The following GK2 variants were observed in gnomAD, a reference collection of about 807,000 sequenced individuals.
The protein encoded by GK2 is glycerol kinase 2, also known as ATP:glycerol 3-phosphotransferase 2.
In GK2, 10 loss-of-function variants were observed where a neutral mutation model predicts 9.5. The ratio of observed to expected loss-of-function variants is 1.05; its 90% CI spans 0.65 to 1.78. The LOEUF (loss-of-function observed/expected upper bound fraction) is 1.78, where lower values mean the gene tolerates loss of function less well. Among genes scored for constraint, GK2 ranks in the 40% most tolerant of loss-of-function variants. GK2 has a pLI of 0.00. For missense variants in GK2, 643 were observed against 669.0 expected (o/e 0.96, Z 0.43); for synonymous variants, 228 against 229.9 (o/e 0.99, Z 0.07).
Position 79,407,697 on chromosome 4 carries a change from A to C in GK2, c.504T>G (p.Val168=). The change falls in exon 1 of 1, where the codon GTT becomes GTG. Residue 168 remains valine (V), a synonymous_variant. Coordinates refer to ENST00000358842, the MANE Select transcript of GK2 (RefSeq NM_033214.3). The part of the protein sequence containing the change: ...LDNVRNVQKA[V]EEGRALFGTI... ...TACCAAAAAGAGCTCTACCTTCTTC[A>C]ACAGCCTTTTGGACGTTTCTCACAT... The C allele has an allele frequency of 1.9e-6, 3 of 1,614,246 alleles. No homozygotes were observed. In the South Asian group the frequency reaches 3.3e-5, roughly 18 times the overall value.
rs755658600 is a variant in GK2 at position 79,406,929 on chromosome 4, T to C, written c.1272A>G (p.Val424=). The C allele has an allele frequency of 1.2e-6, 2 of 1,614,264 alleles. No homozygotes were observed. The highest frequency in any genetic ancestry group is 1.7e-6 in the Non-Finnish European group (2 of 1,180,038). ...CTTTGTTGTTGGTCATTCCTCCATC[T>C]ACCTGCAAATGACGAAGTGGAATTC... The part of the protein sequence containing the change: ...DCGIPLRHLQ[V]DGGMTNNKVL... The change falls in exon 1 of 1, where the codon GTA becomes GTG. Residue 424 remains valine (V), a synonymous_variant. Coordinates refer to ENST00000358842, the MANE Select transcript of GK2 (RefSeq NM_033214.3).
rs1467590115 is a variant in GK2 at position 79,407,345 on chromosome 4, G to C, written c.856C>G (p.Leu286Val). 2 of 1,614,076 alleles carry C rather than the reference G, an allele frequency of 1.2e-6. No homozygotes were observed. Among genetic ancestry groups the C allele is most frequent in the African/African-American group, 2.7e-5 (2 of 74,930 alleles). ...KNTYGTGCFL[L>V]CNTGRKCVFS... ...ACACATTTACGACCCGTATTACACA[G>C]TAAGAAGCAACCTGTTCCATAGGTG... is the stretch of plus-strand genomic sequence containing the variant. The change falls in exon 1 of 1, where the codon CTG becomes GTG. Residue 286 changes from leucine (L) to valine (V), a missense_variant. Transcript: ENST00000358842.
Position 79,406,368 on chromosome 4 carries a change from A to C in GK2, c.*171T>G. ...CCAATATTTCTACAGTGCTCTTCTAACGTATTTTCTTTATTTCAGGTCACA... is the reference window on the plus strand; with the variant it reads ...CCAATATTTCTACAGTGCTCTTCTACCGTATTTTCTTTATTTCAGGTCACA... On this transcript the variant is annotated 3_prime_UTR_variant, in exon 1 of 1. Coordinates refer to ENST00000358842, the MANE Select transcript of GK2 (RefSeq NM_033214.3). 1.9e-6 allele frequency: 1 copy of C among 536,918 alleles called. No homozygotes were observed. Among genetic ancestry groups the C allele is most frequent in the Non-Finnish European group, 3.3e-6 (1 of 305,288 alleles). 33.3% of individuals were successfully genotyped at this position (536,918 alleles called of 1,614,324 possible). A position where few individuals can be genotyped will look rare whatever the true frequency, so the allele number is the denominator to read the frequency against.
chr4:79,407,960 C>A lies in GK2; in HGVS notation c.241G>T (p.Asp81Tyr). The A allele has an allele frequency of 1.2e-6, 2 of 1,614,054 alleles. No individual in the cohort carries two copies. The highest frequency in any genetic ancestry group is 1.7e-6 in the Non-Finnish European group (2 of 1,179,912). The part of the protein sequence containing the change: ...TCEKLDELNI[D>Y]ISNIKAVGVS... Reference sequence around the variant, plus strand: ...CCAACAGCTTTTATGTTGGATATATCAATATTCAGTTCGTCAAGTTTCTCA... The same window carrying A: ...CCAACAGCTTTTATGTTGGATATATAAATATTCAGTTCGTCAAGTTTCTCA... The change falls in exon 1 of 1, where the codon GAT becomes TAT. Residue 81 changes from aspartate to tyrosine, a missense_variant. By Grantham distance (160) the Asp-to-Tyr change is radical. Transcript: ENST00000358842.
In GK2 at chr4:79,406,669, A is replaced by C; in HGVS notation, c.1532T>G (p.Met511Arg). Residue 511 changes from methionine to arginine, a missense_variant, in exon 1 of 1, where the codon ATG (methionine) becomes AGG (arginine). Physicochemically the swap from Met to Arg is moderately conservative, Grantham distance 91. Transcript: ENST00000358842. ...AGGAGACTGACTGGTAACCCAACCC[A>C]TTGACTTCATTACGGCTTTCTTCCA... ...ATWKKAVMKS[M>R]GWVTSQSPEG... 6.2e-7 allele frequency: 1 copy of C among 1,614,054 alleles called. No homozygotes were observed. The highest frequency in any genetic ancestry group is 8.5e-7 in the Non-Finnish European group (1 of 1,179,934).
chr4:79,407,073 T>G lies in GK2; in HGVS notation c.1128A>C (p.Ala376=), dbSNP rs1725870582. ...GAGTGAGGCCACAGAGTATCCCTCT[T>G]GCACTGGGCTCCCAATAAGGTGCAT... ...GLYAPYWEPS[A]RGILCGLTQF... Residue 376 remains alanine (A), a synonymous_variant, in exon 1 of 1, where the codon GCA becomes GCC. Coordinates refer to ENST00000358842, the MANE Select transcript of GK2 (RefSeq NM_033214.3). The G allele has an allele frequency of 6.2e-7, 1 of 1,614,062 alleles. No individual in the cohort carries two copies. The highest frequency in any genetic ancestry group is 8.5e-7 in the Non-Finnish European group (1 of 1,180,034).
rs1243298925 is a variant in GK2 at position 79,407,950 on chromosome 4, T to C, written c.251A>G (p.Asn84Ser). The change falls in exon 1 of 1, where the codon AAC becomes AGC. Residue 84 changes from asparagine to serine, a missense_variant. Asn to Ser is a conservative substitution (Grantham distance 46, BLOSUM62 1). Transcript: ENST00000358842. The part of the protein sequence containing the change: ...KLDELNIDIS[N>S]IKAVGVSNQR... ...ATTGCTGACACCAACAGCTTTTATG[T>C]TGGATATATCAATATTCAGTTCGTC... 2 of 1,614,028 alleles carry C rather than the reference T, an allele frequency of 1.2e-6. No homozygotes were observed. Among genetic ancestry groups the C allele is most frequent in the Non-Finnish European group, 1.7e-6 (2 of 1,179,972 alleles).
In GK2 at chr4:79,407,905, A is replaced by G; in HGVS notation, c.296T>C (p.Ile99Thr). Residue 99 changes from isoleucine (I) to threonine (T), a missense_variant, in exon 1 of 1, where the codon ATC becomes ACC. Physicochemically the swap from Ile to Thr is moderately conservative, Grantham distance 89 (BLOSUM62 -1). Coordinates refer to ENST00000358842, the MANE Select transcript of GK2 (RefSeq NM_033214.3). ...GVSNQRETTV[I>T]WDKLTGEPLY... Reference sequence around the variant, plus strand: ...AGGCTCTCCTGTTAACTTGTCCCAGATTACAGTGGTTTCCCTCTGATTGCT... The same window carrying G: ...AGGCTCTCCTGTTAACTTGTCCCAGGTTACAGTGGTTTCCCTCTGATTGCT... 1 of 1,614,198 alleles carries G rather than the reference A, an allele frequency of 6.2e-7. No individual in the cohort carries two copies. Among genetic ancestry groups the G allele is most frequent in the Non-Finnish European group, 8.5e-7 (1 of 1,180,042 alleles).
At position 79,407,988 on chromosome 4, in the gene GK2, CG is replaced by C. The variant is rs1364186724; in HGVS notation, c.212del (p.Thr71SerfsTer8). On this transcript the variant is annotated frameshift_variant, in exon 1 of 1. Coordinates refer to ENST00000358842, the MANE Select transcript of GK2 (RefSeq NM_033214.3). LOFTEE classifies it low-confidence loss of function (END_TRUNC). ...LQSVYECIAR[T>X]CEKLDELNID... The stretch of plus-strand genomic sequence containing the variant: ...TATTCAGTTCGTCAAGTTTCTCACA[CG>C]TTCTCGCTATACACTCGTAGACAGA... 1.2e-6 allele frequency: 2 copies of C among 1,613,964 alleles called. No homozygotes were observed. Among genetic ancestry groups the C allele is most frequent in the African/African-American group, 2.7e-5 (2 of 74,926 alleles).
At position 79,406,914 on chromosome 4, in the gene GK2, G is replaced by T; in HGVS notation, c.1287C>A (p.Thr429=). The part of the protein sequence containing the change: ...LRHLQVDGGM[T]NNKVLMQLQA... The stretch of plus-strand genomic sequence containing the variant: ...GTAGCTGCATAAGAACTTTGTTGTT[G>T]GTCATTCCTCCATCTACCTGCAAAT... The change falls in exon 1 of 1, where the codon ACC becomes ACA. Residue 429 remains threonine (T), a synonymous_variant. Transcript: ENST00000358842. 1.9e-6 allele frequency: 3 copies of T among 1,614,166 alleles called. No homozygotes were observed. The highest frequency in any genetic ancestry group is 2.5e-6 in the Non-Finnish European group (3 of 1,180,020).
chr4:79,406,788 A>C lies in GK2; in HGVS notation c.1413T>G (p.Val471=), dbSNP rs1560525531. Residue 471 remains valine, a synonymous_variant, in exon 1 of 1, where the codon GTT becomes GTG. Coordinates refer to ENST00000358842, the MANE Select transcript of GK2 (RefSeq NM_033214.3). ...ACAAAGCCTGGGGTTCAAGGCTCCAAACGCTTACTCCCTCTGCAGCCCCTG... is the reference window on the plus strand; with the variant it reads ...ACAAAGCCTGGGGTTCAAGGCTCCACACGCTTACTCCCTCTGCAGCCCCTG... The part of the protein sequence containing the change: ...MAAGAAEGVS[V]WSLEPQALSV... 6.2e-7 allele frequency: 1 copy of C among 1,614,080 alleles called. No homozygotes were observed.
Position 79,406,729 on chromosome 4 carries a change from A to G in GK2, c.1472T>C (p.Ile491Thr), listed in dbSNP as rs566067569. Residue 491 changes from isoleucine to threonine, a missense_variant, in exon 1 of 1, where the codon ATC (isoleucine) becomes ACC (threonine). Coordinates refer to ENST00000358842, the MANE Select transcript of GK2 (RefSeq NM_033214.3). ...ACGAATTTCACTTTCTGTGGCCTGG[A>G]TCTGTGGTTCAAATCGTTCCATCCT... The part of the protein sequence containing the change: ...VLRMERFEPQ[I>T]QATESEIRYA... The G allele has an allele frequency of 1.3e-5, 21 of 1,614,126 alleles. 1 individual carries two copies. The South Asian group carries it at 2.0e-4, about 15-fold the overall frequency.
In GK2 at chr4:79,406,883, C is replaced by T. The variant is rs202223457; in HGVS notation, c.1318G>A (p.Asp440Asn). The T allele has an allele frequency of 1.9e-6, 3 of 1,614,186 alleles. No individual in the cohort carries two copies. Among genetic ancestry groups the T allele is most frequent in the Non-Finnish European group, 2.5e-6 (3 of 1,179,986 alleles). ...TTTATTACTGGAATATGAAGAATAT[C>T]TGCTTGTAGCTGCATAAGAACTTTG... Reference protein sequence around the residue: ...NNKVLMQLQADILHIPVIKPF... With the variant: ...NNKVLMQLQANILHIPVIKPF... The change falls in exon 1 of 1, where the codon GAT becomes AAT. Residue 440 changes from aspartate (D) to asparagine (N), a missense_variant. Asp to Asn is a conservative substitution (Grantham distance 23, BLOSUM62 1). Coordinates refer to ENST00000358842, the MANE Select transcript of GK2 (RefSeq NM_033214.3).
Position 79,406,697 on chromosome 4 carries a change from T to A in GK2, c.1504A>T (p.Thr502Ser). Residue 502 changes from threonine to serine, a missense_variant, in exon 1 of 1, where the codon ACA becomes TCA. Physicochemically the swap from Thr to Ser is moderately conservative, Grantham distance 58 (BLOSUM62 1). Transcript: ENST00000358842. ...GACTTCATTACGGCTTTCTTCCATG[T>A]GGCATAACGAATTTCACTTTCTGTG... ...QATESEIRYA[T>S]WKKAVMKSMG... The A allele has an allele frequency of 5.6e-6, 9 of 1,614,238 alleles. No homozygotes were observed. The highest frequency in any genetic ancestry group is 7.6e-6 in the Non-Finnish European group (9 of 1,180,046).
chr4:79,407,475 T>A lies in GK2; in HGVS notation c.726A>T (p.Leu242=). The A allele has an allele frequency of 6.2e-7, 1 of 1,614,138 alleles. No homozygotes were observed. ...NVFSSSEIYG[L]IKTGALEGVP... ...CACCTTCCAGGGCTCCAGTTTTAAT[T>A]AGGCCATAGATCTCAGAAGAACTGA... is the stretch of plus-strand genomic sequence containing the variant. Residue 242 remains leucine (L), a synonymous_variant, in exon 1 of 1, where the codon CTA becomes CTT. Transcript: ENST00000358842.
chr4:79,407,452 C>A lies in GK2; in HGVS notation c.749G>T (p.Gly250Val), dbSNP rs551863127. ...YGLIKTGALE[G>V]VPISGCLGDQ... ...CCCCAAACACCCAGATATTGGCACA[C>A]CTTCCAGGGCTCCAGTTTTAATTAG... Residue 250 changes from glycine (G) to valine (V), a missense_variant, in exon 1 of 1, where the codon GGT becomes GTT. Coordinates refer to ENST00000358842, the MANE Select transcript of GK2 (RefSeq NM_033214.3). 2 of 1,614,184 alleles carry A rather than the reference C, an allele frequency of 1.2e-6. No individual in the cohort carries two copies. The highest frequency in any genetic ancestry group is 1.1e-5 in the South Asian group (1 of 91,086).
At position 79,406,901 on chromosome 4, in the gene GK2, G is replaced by A. The variant is rs1725864882; in HGVS notation, c.1300C>T (p.Leu434Phe). 6.2e-7 allele frequency: 1 copy of A among 1,614,216 alleles called. No homozygotes were observed. Among genetic ancestry groups the A allele is most frequent in the Non-Finnish European group, 8.5e-7 (1 of 1,180,026 alleles). Residue 434 changes from leucine to phenylalanine, a missense_variant, in exon 1 of 1, where the codon CTT becomes TTT. Leu to Phe is a conservative substitution (Grantham distance 22). Coordinates refer to ENST00000358842, the MANE Select transcript of GK2 (RefSeq NM_033214.3). ...VDGGMTNNKV[L>F]MQLQADILHI... ...AGAATATCTGCTTGTAGCTGCATAA[G>A]AACTTTGTTGTTGGTCATTCCTCCA...
Position 79,407,377 on chromosome 4 carries a change from GCTTGTCCCTC to G in GK2, c.814_823del (p.Glu272ProfsTer27). ...GCAACCTGTTCCATAGGTGTTTTTG[GCTTGTCCCTC>G]CTGGAAGCACATTTGTCCTACTAAT... On this transcript the variant is annotated frameshift_variant, in exon 1 of 1. Transcript: ENST00000358842. LOFTEE classifies it high-confidence loss of function. 1 of 1,614,146 alleles carries G rather than the reference GCTTGTCCCTC, an allele frequency of 6.2e-7. No homozygotes were observed. The highest frequency in any genetic ancestry group is 8.5e-7 in the Non-Finnish European group (1 of 1,180,030).
Position 79,408,048 on chromosome 4 carries a change from T to A in GK2, c.153A>T (p.Gly51=). The A allele has an allele frequency of 6.2e-7, 1 of 1,614,212 alleles. No homozygotes were observed. Among genetic ancestry groups the A allele is most frequent in the South Asian group, 1.1e-5 (1 of 91,086 alleles). Residue 51 remains glycine, a synonymous_variant, in exon 1 of 1, where the codon GGA becomes GGT. Transcript: ENST00000358842. ...TTTCTTTAGGGTCTTGTTCCACCCA[T>A]CCTTCTTTTGGGAACTCTTGTGTTA... ...VELTQEFPKE[G]WVEQDPKEIL...
Sources: allele counts gnomAD v4.1 joint callset, GRCh38; gene constraint gnomAD v4.1.1; transcripts MANE v1.5; gene names NCBI Gene and HGNC (gene_info 2026-07-23, HGNC 2026-07-21).